Variants in RABGAP1L observed in about 807,000 individuals in gnomAD.
RABGAP1L encodes rab GTPase-activating protein 1-like.
Under a neutral mutation model 137.7 loss-of-function variants are expected in RABGAP1L, and 63 were observed. The ratio of observed to expected loss-of-function variants is 0.46; its 90% CI spans 0.37 to 0.56. RABGAP1L has a LOEUF of 0.56. RABGAP1L is among the 20% of genes least tolerant of loss of function. The probability of loss-of-function intolerance (pLI) is 0.00; values close to 1 mark genes in which losing one functional copy is unlikely to be tolerated. For missense variants in RABGAP1L, 1,095 were observed against 1,244.0 expected (o/e 0.88, Z 1.80); for synonymous variants, 431 against 433.7 (o/e 0.99, Z 0.08).
At chr1:174,275,737 A>G in intron 8 of RABGAP1L, 96 bp from the exon 9 acceptor site, 1 of 860,028 alleles carries the variant, frequency 1.2e-6, no homozygotes, top group Admixed American at 2.6e-5. Context: ...TGTTAATCTA[A>G]ATTTTAATAA....
chr1:174,543,668 T>G (rs948463153), intron 13 of RABGAP1L, among the ~76,000 whole-genome samples: 1 of 152,222 alleles, frequency 6.6e-6, no homozygotes, highest in Non-Finnish European at 1.5e-5. Context: ...GCTCGTTAGT[T>G]GATGCAGTTT....
chr1:174,985,524 A>G (rs1180559511), intron 24 of RABGAP1L, among the ~76,000 whole-genome samples: 1 of 152,250 alleles, frequency 6.6e-6, no homozygotes, highest in Admixed American at 6.5e-5. Flanking sequence ...TCTAAAGTCA[A>G]TAACATTAGC....
chr1:174,766,801 G>C (rs765029235), intron 18 of RABGAP1L, among the ~76,000 whole-genome samples: 5 of 152,126 alleles, frequency 3.3e-5, no homozygotes, highest in Non-Finnish European at 7.4e-5. Context: ...AGCCCATGAT[G>C]GGGGAAGGTG....
chr1:174,748,651 G>A lies in RABGAP1L; in HGVS notation c.2170-3662G>A, dbSNP rs532572872. Among the ~76,000 whole-genome samples the A allele has an allele frequency of 1.0e-3, 158 of 151,794 alleles. 1 individual carries two copies. Among genetic ancestry groups the A allele is most frequent in the Non-Finnish European group, 1.8e-3 (120 of 67,890 alleles). ...TTTGGGAGGCTGAGGCAGGAGGGTT[G>A]CTTGAGGCCAGGAGTTCAAGAATAG... is the stretch of plus-strand genomic sequence containing the variant. On this transcript the variant is annotated intron_variant, in intron 17 of 25. Transcript: ENST00000681986.
chr1:174,611,916 G>A (rs1175550501), intron 13 of RABGAP1L, among the ~76,000 whole-genome samples: 1 of 152,198 alleles, frequency 6.6e-6, no homozygotes, highest in Non-Finnish European at 1.5e-5. Context: ...TGTTTCCTGA[G>A]ACTTTGCTGA....
intron 19 of RABGAP1L, among the ~76,000 whole-genome samples, chr1:174,851,197 G>A (rs945058077): frequency 6.6e-5 from 10 of 152,322 alleles, no homozygotes; most frequent in African/African-American, 1.9e-4. Flanking sequence ...TTATATAGGA[G>A]TAGAAACTAA....
At chr1:174,437,071 G>A (rs1022232077) in intron 13 of RABGAP1L, among the ~76,000 whole-genome samples, 4 of 152,162 alleles carry the variant, frequency 2.6e-5, no homozygotes, top group South Asian at 2.1e-4. Context: ...CCATCTGTAC[G>A]TCACCATCAT....
chr1:174,213,819 T>G (rs1669084418), intron 1 of RABGAP1L, among the ~76,000 whole-genome samples: 2 of 152,120 alleles, frequency 1.3e-5, no homozygotes, highest in South Asian at 4.1e-4. Flanking sequence ...CTTAAAGAAC[T>G]GGGTAAGGAA....
intron 18 of RABGAP1L, among the ~76,000 whole-genome samples, chr1:174,803,946 G>A (rs1031031028): frequency 2.0e-5 from 3 of 151,768 alleles, no homozygotes; most frequent in South Asian, 4.2e-4. Flanking sequence ...GGGGGTGGGC[G>A]CCTGTAATCC....
At chr1:174,674,439 A>G (rs922125587) in intron 14 of RABGAP1L, among the ~76,000 whole-genome samples, 3 of 149,826 alleles carry the variant, frequency 2.0e-5, no homozygotes, top group Non-Finnish European at 3.0e-5. Context: ...ATGGCTGCAT[A>G]GTATTCCATG....
chr1:174,637,892 G>C (rs1366026448), intron 14 of RABGAP1L, among the ~76,000 whole-genome samples: 1 of 152,138 alleles, frequency 6.6e-6, no homozygotes, highest in South Asian at 2.1e-4. Context: ...GCAAATTATT[G>C]GATGTTGTTG....
intron 4 of RABGAP1L, among the ~76,000 whole-genome samples, chr1:174,233,080 A>G (rs562316115): frequency 2.6e-5 from 4 of 152,246 alleles, no homozygotes; most frequent in African/African-American, 7.2e-5. Flanking sequence ...GTGTTCTTAC[A>G]TGGTGGAAGA....
intron 7 of RABGAP1L, among the ~76,000 whole-genome samples, chr1:174,256,924 C>G (rs1558076185): frequency 6.6e-6 from 1 of 152,176 alleles, no homozygotes; most frequent in African/African-American, 2.4e-5. Context: ...AATTTCTCAA[C>G]TCTTGCCTTC....
intron 13 of RABGAP1L, among the ~76,000 whole-genome samples, chr1:174,539,986 T>G (rs987273484): frequency 1.3e-4 from 20 of 152,272 alleles, no homozygotes; most frequent in African/African-American, 4.8e-4. Flanking sequence ...ATCGCCATTC[T>G]AACTGGTATG....
chr1:174,290,310 T>C (rs781737843), intron 10 of RABGAP1L, among the ~76,000 whole-genome samples: 7 of 152,196 alleles, frequency 4.6e-5, no homozygotes, highest in Non-Finnish European at 8.8e-5. Context: ...AGAAGAGATA[T>C]AATTTGGCCT....
chr1:174,357,996 A>C lies in RABGAP1L; in HGVS notation c.1466-12983A>C, dbSNP rs539782833. On this transcript the variant is annotated intron_variant, in intron 11 of 25. Transcript: ENST00000681986. ...ATCGTCCCCATGTTAGATACAGACA[A>C]CTGAAGCACAGAGAGGTTAAATACC... is the stretch of plus-strand genomic sequence containing the variant. Among the ~76,000 whole-genome samples the C allele has an allele frequency of 5.3e-5, 8 of 152,360 alleles. No homozygotes were observed. In the East Asian group the frequency reaches 1.5e-3, roughly 29 times the overall value.
At chr1:174,192,511 CAG>C (rs1436824326) in intron 1 of RABGAP1L, among the ~76,000 whole-genome samples, 1 of 151,960 alleles carries the variant, frequency 6.6e-6, no homozygotes, top group Non-Finnish European at 1.5e-5. Context: ...TTATTAGAGA[CAG>C]GGTTTTACCA....
At chr1:174,633,282 A>C (rs2148323332) in intron 13 of RABGAP1L, among the ~76,000 whole-genome samples, 1 of 145,404 alleles carries the variant, frequency 6.9e-6, no homozygotes, top group African/African-American at 2.6e-5. Context: ...TCCCATTCAC[A>C]ATTGCTTCAA....
chr1:174,907,229 C>T (rs533945611), intron 19 of RABGAP1L, among the ~76,000 whole-genome samples: 2 of 152,200 alleles, frequency 1.3e-5, no homozygotes, highest in African/African-American at 2.4e-5. Context: ...AACTGAAAGT[C>T]AAAAGGGGGA....
Sources: allele counts gnomAD v4.1 joint callset (sites outside exome capture counted in the v4.1 genomes callset), GRCh38; gene constraint gnomAD v4.1.1; transcripts MANE v1.5; gene names NCBI Gene and HGNC (gene_info 2026-07-23, HGNC 2026-07-21).